RSRC1: variants seen among roughly 807,000 people sequenced by gnomAD.
RSRC1 encodes serine/Arginine-related protein 53.
RSRC1 carries 39 observed loss-of-function variants against 49.1 expected under a neutral mutation model. The observed-to-expected ratio is 0.79, with a 90% confidence interval of 0.61 to 1.04. The LOEUF (loss-of-function observed/expected upper bound fraction) is 1.04, where lower values mean the gene tolerates loss of function less well. Ranked by LOEUF, RSRC1 falls within the 50% of genes least tolerant of loss-of-function variation. The pLI is 0.00. For synonymous variants in RSRC1, 143 were observed against 130.8 expected (o/e 1.09, Z -0.63); for missense variants, 388 against 402.4 (o/e 0.96, Z 0.31).
At chr3:158,172,976 G>A (rs1184225821) in intron 3 of RSRC1, among the ~76,000 whole-genome samples, 1 of 151,960 alleles carries the variant, frequency 6.6e-6, no homozygotes, top group Non-Finnish European at 1.5e-5. Flanking sequence ...CTTAGGATAT[G>A]TGGTTTTTTA....
intron 5 of RSRC1, among the ~76,000 whole-genome samples, chr3:158,349,742 G>A (rs1421155960): frequency 1.7e-5 from 2 of 119,316 alleles, no homozygotes; most frequent in African/African-American, 6.7e-5. Flanking sequence ...TTGTCACCCA[G>A]GCTGGAGTGC....
At chr3:158,510,440 G>A (rs1443387843) in intron 7 of RSRC1, among the ~76,000 whole-genome samples, 1 of 151,528 alleles carries the variant, frequency 6.6e-6, no homozygotes, top group Admixed American at 6.6e-5. Flanking sequence ...TCTTCCCTAA[G>A]TCAAGGTCAT....
chr3:158,227,425 C>G (rs1399678861), intron 4 of RSRC1, among the ~76,000 whole-genome samples: 1 of 151,882 alleles, frequency 6.6e-6, no homozygotes, highest in Non-Finnish European at 1.5e-5. Context: ...TTTCTCTTCC[C>G]TCCCTTCATC....
In RSRC1 at chr3:158,545,694, T is replaced by C. The variant is rs1713301727; in HGVS notation, c.*1419T>C. 1 of 152,204 alleles carries C rather than the reference T, an allele frequency of 6.6e-6. No individual in the cohort carries two copies. The highest frequency in any genetic ancestry group is 2.4e-5 in the African/African-American group (1 of 41,460). The allele number at this position is 152,204 out of a possible 1,614,324, so 9.4% of individuals were successfully genotyped here. On this transcript the variant is annotated 3_prime_UTR_variant, in exon 10 of 10. Coordinates refer to ENST00000611884, the MANE Select transcript of RSRC1 (RefSeq NM_001271838.2). ...CATTCTAAATAGATGCTAGTTTTCT[T>C]TTTTCCTTGGCTGTAAATAAAAGTG...
intron 6 of RSRC1, among the ~76,000 whole-genome samples, chr3:158,371,404 C>G (rs1345471683): frequency 6.6e-6 from 1 of 151,792 alleles, no homozygotes; most frequent in Non-Finnish European, 1.5e-5. Flanking sequence ...ACCCACTACT[C>G]CTGACTCCTA....
intron 4 of RSRC1, among the ~76,000 whole-genome samples, chr3:158,243,637 G>A (rs1723720345): frequency 6.6e-6 from 1 of 152,192 alleles, no homozygotes; most frequent in South Asian, 2.1e-4. Context: ...GCTTTGGGCA[G>A]TATGGCCATT....
At chr3:158,279,941 A>G (rs1726046686) in intron 4 of RSRC1, among the ~76,000 whole-genome samples, 1 of 152,232 alleles carries the variant, frequency 6.6e-6, no homozygotes, top group African/African-American at 2.4e-5. Flanking sequence ...GGAAAAGAAG[A>G]CTGGTCAGCT....
chr3:158,420,184 T>C (rs1734964254), intron 6 of RSRC1, among the ~76,000 whole-genome samples: 1 of 151,958 alleles, frequency 6.6e-6, no homozygotes, highest in Non-Finnish European at 1.5e-5. Flanking sequence ...ACAAATGTTA[T>C]CTCCCATTTA....
chr3:158,455,428 T>C (rs1403848663), intron 6 of RSRC1, among the ~76,000 whole-genome samples: 1 of 152,118 alleles, frequency 6.6e-6, no homozygotes, highest in East Asian at 1.9e-4. Context: ...CCATAGGGTA[T>C]ATAAAATACT....
intron 4 of RSRC1, among the ~76,000 whole-genome samples, chr3:158,289,476 C>A (rs997842259): frequency 1.3e-5 from 2 of 152,178 alleles, no homozygotes; most frequent in African/African-American, 4.8e-5. Flanking sequence ...TAACAAAACA[C>A]TTAAATTTTG....
intron 7 of RSRC1, among the ~76,000 whole-genome samples, chr3:158,512,261 G>A (rs1344272425): frequency 4.8e-5 from 7 of 144,426 alleles, no homozygotes; most frequent in East Asian, 2.0e-4. Context: ...TAACGTTTAA[G>A]TCTTTAATCC....
At chr3:158,202,486 G>A (rs1002130172) in intron 3 of RSRC1, among the ~76,000 whole-genome samples, 4 of 145,218 alleles carry the variant, frequency 2.8e-5, no homozygotes, top group East Asian at 2.1e-4. Flanking sequence ...GGATCCATGC[G>A]GTTGAAACCC....
At chr3:158,446,125 G>A (rs1375105095) in intron 6 of RSRC1, among the ~76,000 whole-genome samples, 5 of 151,934 alleles carry the variant, frequency 3.3e-5, no homozygotes, top group Non-Finnish European at 1.5e-5. Flanking sequence ...ACTAAGCCAG[G>A]AAAATTACAA....
chr3:158,296,373 G>C (rs150618913), intron 4 of RSRC1, among the ~76,000 whole-genome samples: 3 of 151,698 alleles, frequency 2.0e-5, no homozygotes, highest in Non-Finnish European at 4.4e-5. Context: ...TCTTCAGAAG[G>C]ATTAACCAAG....
At chr3:158,509,690 G>A (rs1740049692) in intron 7 of RSRC1, among the ~76,000 whole-genome samples, 1 of 152,076 alleles carries the variant, frequency 6.6e-6, no homozygotes, top group South Asian at 2.1e-4. Context: ...GTAAAAAATA[G>A]TATATAAATT....
intron 3 of RSRC1, among the ~76,000 whole-genome samples, chr3:158,129,442 C>T (rs1430339963): frequency 6.6e-6 from 1 of 151,846 alleles, no homozygotes; most frequent in African/African-American, 2.4e-5. Flanking sequence ...AGGTGCCCAC[C>T]ACCACGTCCA....
At chr3:158,425,493 A>C (rs1467816631) in intron 6 of RSRC1, among the ~76,000 whole-genome samples, 1 of 151,902 alleles carries the variant, frequency 6.6e-6, no homozygotes. Context: ...GAGAGCTTTA[A>C]TTCCAAGTAT....
chr3:158,376,319 C>T (rs1049757464), intron 6 of RSRC1, among the ~76,000 whole-genome samples: 4 of 151,462 alleles, frequency 2.6e-5, no homozygotes, highest in Non-Finnish European at 4.4e-5. Context: ...GCCACCACTC[C>T]TGGCTAATTT....
intron 4 of RSRC1, among the ~76,000 whole-genome samples, chr3:158,274,882 A>G (rs189205169): frequency 3.3e-5 from 5 of 152,216 alleles, no homozygotes; most frequent in Non-Finnish European, 7.3e-5. Flanking sequence ...TCTGTAGCCT[A>G]TGGGAATACA....
Sources: allele counts gnomAD v4.1 joint callset (sites outside exome capture counted in the v4.1 genomes callset), GRCh38; gene constraint gnomAD v4.1.1; transcripts MANE v1.5; gene names NCBI Gene and HGNC (gene_info 2026-07-23, HGNC 2026-07-21).